GSG1L: variants seen among roughly 807,000 people sequenced by gnomAD.
GSG1L encodes GSG1 like.
In GSG1L, 24 loss-of-function variants were observed where a neutral mutation model predicts 42.1. That is an observed-to-expected ratio of 0.57 (90% CI 0.41 to 0.80). The LOEUF is 0.80. GSG1L is among the 30% of genes least tolerant of loss of function. The pLI is 0.00. For synonymous variants in GSG1L, 215 were observed against 203.5 expected (o/e 1.06, Z -0.48); for missense variants, 445 against 472.2 (o/e 0.94, Z 0.53).
chr16:28,017,566 C>T lies in GSG1L; in HGVS notation c.349+45510G>A, dbSNP rs564976936. On this transcript the variant is annotated intron_variant, in intron 1 of 6. Coordinates refer to ENST00000447459, the MANE Select transcript of GSG1L (RefSeq NM_001109763.2). ...GTGATGGCAAAAGAATGAGAGACAT[C>T]TCAACTGTCTGTCAACCGCAGAAGA... Among the ~76,000 whole-genome samples the T allele has an allele frequency of 3.3e-5, 5 of 152,298 alleles. No individual in the cohort carries two copies. The East Asian group carries it at 9.6e-4, about 29-fold the overall frequency.
At chr16:27,972,573 A>G (rs771172476) in intron 1 of GSG1L, among the ~76,000 whole-genome samples, 3 of 152,224 alleles carry the variant, frequency 2.0e-5, no homozygotes, top group Non-Finnish European at 2.9e-5. Context: ...TTGTCTCTCA[A>G]TCACACTTCA....
chr16:27,967,248 G>GC (rs947633786), intron 1 of GSG1L, among the ~76,000 whole-genome samples: 68 of 152,322 alleles, frequency 4.5e-4, no homozygotes, highest in African/African-American at 1.6e-3. Context: ...CCTCCTGCCA[G>GC]CCCCATATCA....
At chr16:28,051,716 G>A (rs943254162) in intron 1 of GSG1L, among the ~76,000 whole-genome samples, 1 of 152,186 alleles carries the variant, frequency 6.6e-6, no homozygotes, top group Non-Finnish European at 1.5e-5. Context: ...TGTGCAAGAG[G>A]ACAGTGGGGC....
intron 1 of GSG1L, among the ~76,000 whole-genome samples, chr16:27,973,468 AG>A (rs2085216045): frequency 2.8e-5 from 4 of 145,164 alleles, no homozygotes; most frequent in African/African-American, 1.0e-4. Flanking sequence ...AAAAAAAAAA[AG>A]AGTGTGTGCT....
intron 1 of GSG1L, among the ~76,000 whole-genome samples, chr16:27,994,840 A>G (rs577407754): frequency 6.6e-6 from 1 of 152,372 alleles, no homozygotes; most frequent in African/African-American, 2.4e-5. Context: ...GACATTGCAC[A>G]TAACGGAGCA....
intron 4 of GSG1L, among the ~76,000 whole-genome samples, chr16:27,841,857 G>A (rs943156779): frequency 2.6e-5 from 4 of 152,170 alleles, no homozygotes; most frequent in African/African-American, 9.7e-5. Context: ...GACACCAGCA[G>A]GCTTGACTTG....
At chr16:27,831,016 G>A (rs757877759) in intron 4 of GSG1L, among the ~76,000 whole-genome samples, 30 of 152,236 alleles carry the variant, frequency 2.0e-4, no homozygotes, top group Non-Finnish European at 2.6e-4. Flanking sequence ...ACATGACCTC[G>A]GCTTGGCTAA....
chr16:27,975,294 GCA>G (rs1269051925), intron 1 of GSG1L, among the ~76,000 whole-genome samples: 1 of 152,054 alleles, frequency 6.6e-6, no homozygotes, highest in Non-Finnish European at 1.5e-5. Flanking sequence ...AAACCAATGG[GCA>G]CAGAGTCCAG....
chr16:28,027,532 G>A (rs1308963922), intron 1 of GSG1L, among the ~76,000 whole-genome samples: 1 of 152,166 alleles, frequency 6.6e-6, no homozygotes, highest in Non-Finnish European at 1.5e-5. Flanking sequence ...CTAGTCACAT[G>A]TTAAATGTGA....
At chr16:28,012,633 C>A (rs2085734377) in intron 1 of GSG1L, among the ~76,000 whole-genome samples, 1 of 151,936 alleles carries the variant, frequency 6.6e-6, no homozygotes, top group African/African-American at 2.4e-5. Flanking sequence ...TGCCTGTAAT[C>A]CCAGTGCTTT....
At chr16:27,911,266 G>GCTCTCTCTCTCTCTCT (rs71648556) in intron 2 of GSG1L, among the ~76,000 whole-genome samples, 5 of 122,148 alleles carry the variant, frequency 4.1e-5, no homozygotes, top group African/African-American at 1.7e-4. Flanking sequence ...CCTCTCTCTC[G>GCTCTCTCTCTCTCTCT]CTCTCTCTCT....
chr16:27,946,579 AAGAGAGAGAG>A (rs1166800286), intron 2 of GSG1L, among the ~76,000 whole-genome samples: 38 of 37,016 alleles, frequency 1.0e-3, no homozygotes, highest in South Asian at 3.3e-3. Context: ...GAAAGAAAGA[AAGAGAGAGAG>A]AGAGAGAGAG....
At chr16:27,909,732 C>G (rs992245295) in intron 2 of GSG1L, among the ~76,000 whole-genome samples, 1 of 150,216 alleles carries the variant, frequency 6.7e-6, no homozygotes, top group Non-Finnish European at 1.5e-5. Context: ...GTCCCGACCT[C>G]CAGGGCTCAT....
At position 27,875,095 on chromosome 16, in the gene GSG1L, G is replaced by C. The variant is rs568513533; in HGVS notation, c.550+9391C>G. On this transcript the variant is annotated intron_variant, in intron 3 of 6. Transcript: ENST00000447459. ...ATCATATCTCCTTGGCCCACACCAG[G>C]CGTCATCTGTGGCTTTGGTTAGGCA... 1.9e-4 allele frequency among the ~76,000 whole-genome samples: 29 copies of C among 152,262 alleles called. 1 individual carries two copies. The South Asian group carries it at 6.0e-3, about 32-fold the overall frequency.
rs1596744279 is a variant in GSG1L, at chr16:28,063,042, G to A, written c.349+34C>T. On this transcript the variant is annotated intron_variant, in intron 1 of 6. Coordinates refer to ENST00000447459, the MANE Select transcript of GSG1L (RefSeq NM_001109763.2). This position sits in a 1 kb window ranked among gnomAD's most constrained non-coding sequence, Gnocchi z 5.8. Reference sequence around the variant, plus strand: ...ATGGCCGCGCCGCCCCGGGGGAGCCGGAGCCGAGCTGGCCGCCGCCCGCGC... The same window carrying A: ...ATGGCCGCGCCGCCCCGGGGGAGCCAGAGCCGAGCTGGCCGCCGCCCGCGC... 1.5e-6 allele frequency: 2 copies of A among 1,372,704 alleles called. No homozygotes were observed. The highest frequency in any genetic ancestry group is 3.4e-5 in the East Asian group (1 of 29,398). The allele number at this position is 1,372,704 out of a possible 1,614,324, so 85.0% of individuals were successfully genotyped here.
chr16:27,804,076 T>TAGATAGATAGAC, intron 6 of GSG1L, among the ~76,000 whole-genome samples: 1 of 150,328 alleles, frequency 6.7e-6, no homozygotes, highest in East Asian at 2.0e-4. Flanking sequence ...GATAGATAGA[T>TAGATAGATAGAC]AGATAAAGAA....
At chr16:27,855,337 A>G (rs1009461480) in intron 3 of GSG1L, among the ~76,000 whole-genome samples, 3 of 152,332 alleles carry the variant, frequency 2.0e-5, no homozygotes, top group African/African-American at 7.2e-5. Context: ...AGTAGAGTCC[A>G]CATCTCTTTT....
Position 28,019,555 on chromosome 16 carries a change from C to T in GSG1L, c.349+43521G>A, listed in dbSNP as rs148635381. Reference sequence around the variant, plus strand: ...AGTCACCATTCTTTTATTCCTTTACCTTCTTAATAAACTTACTTTCACTTT... The same window carrying T: ...AGTCACCATTCTTTTATTCCTTTACTTTCTTAATAAACTTACTTTCACTTT... On this transcript the variant is annotated intron_variant, in intron 1 of 6. Coordinates refer to ENST00000447459, the MANE Select transcript of GSG1L (RefSeq NM_001109763.2). Among the ~76,000 whole-genome samples, 66 of 152,216 alleles carry T rather than the reference C, an allele frequency of 4.3e-4. No individual in the cohort carries two copies. The East Asian group carries it at 6.9e-3, about 16-fold the overall frequency.
intron 1 of GSG1L, among the ~76,000 whole-genome samples, chr16:28,034,423 A>G (rs993957603): frequency 1.3e-5 from 2 of 151,938 alleles, no homozygotes; most frequent in South Asian, 2.1e-4. Flanking sequence ...CAAAAAGACA[A>G]ATTTCTACTG....
Sources: gnomAD v4.1 joint callset for allele counts (sites outside exome capture counted in the v4.1 genomes callset) on GRCh38, gnomAD v4.1.1 for gene constraint, Gnocchi (gnomAD v3.1) non-coding constraint, MANE v1.5 for transcripts, NCBI Gene and HGNC (gene_info 2026-07-23, HGNC 2026-07-21) for gene names.